The following TP53TG5 variants were observed in gnomAD, a reference collection of about 807,000 sequenced individuals.
The protein encoded by TP53TG5 is TP53 target 5, also known as TP53-target gene 5 protein.
TP53TG5 carries 17 observed loss-of-function variants against 30.0 expected under a neutral mutation model. That is an observed-to-expected ratio of 0.57 (90% confidence interval 0.39 to 0.85). The LOEUF is 0.85. Among genes scored for constraint, TP53TG5 ranks in the 40% least tolerant of loss-of-function variants. TP53TG5 has a pLI of 0.00. For synonymous variants in TP53TG5, 137 were observed against 139.2 expected, an observed-to-expected ratio of 0.98 and a Z score of 0.11; for missense variants, 338 against 367.9, an observed-to-expected ratio of 0.92 and a Z score of 0.67.
intron 4 of TP53TG5, 91 bp downstream of exon 4, chr20:45,374,948 C>T: frequency 3.3e-6 from 5 of 1,523,274 alleles, no homozygotes; most frequent in Non-Finnish European, 4.4e-6. Flanking sequence ...CTCAAGACTC[C>T]AGATCCTGAA....
chr20:45,374,045 A>T (rs374803497), intron 4 of TP53TG5, 34 bp from the exon 5 acceptor site: 7 of 1,606,664 alleles, frequency 4.4e-6, no homozygotes, highest in Non-Finnish European at 6.0e-6. Context: ...AGGCGCTAAG[A>T]CTGTCCCCAG....
Position 45,378,210 on chromosome 20 carries a change from G to T in TP53TG5, c.27C>A (p.Pro9=), listed in dbSNP as rs1027001634. 5 of 1,614,002 alleles carry T rather than the reference G, an allele frequency of 3.1e-6. No homozygotes were observed. Among genetic ancestry groups the T allele is most frequent in the Non-Finnish European group, 3.4e-6 (4 of 1,179,994 alleles). Residue 9 remains proline (P), a synonymous_variant, in exon 1 of 5, where the codon CCC becomes CCA. Coordinates refer to ENST00000372726, the MANE Select transcript of TP53TG5 (RefSeq NM_014477.3). MSPSAKKR[P]KNSRVSKMQD... is the part of the protein sequence containing the mutation. Reference sequence around the variant, plus strand: ...TGACCTTGGAAACCCTGCTGTTCTTGGGCCTCTTCTTTGCTGATGGACTCA... The same window carrying T: ...TGACCTTGGAAACCCTGCTGTTCTTTGGCCTCTTCTTTGCTGATGGACTCA...
Position 45,375,136 on chromosome 20 carries a change from C to G in TP53TG5, c.671G>C (p.Arg224Thr), listed in dbSNP as rs763292687. 1.2e-6 allele frequency: 2 copies of G among 1,614,192 alleles called. No individual in the cohort carries two copies. Among genetic ancestry groups the G allele is most frequent in the Non-Finnish European group, 1.7e-6 (2 of 1,180,044 alleles). ...LPTRIHLPAP[R>T]VMCRSSTLRW... Reference sequence around the variant, plus strand: ...CAGGGTGGAGGATCTGCACATCACCCTGGGCGCCGGGAGGTGGATTCGTGT... The same window carrying G: ...CAGGGTGGAGGATCTGCACATCACCGTGGGCGCCGGGAGGTGGATTCGTGT... Residue 224 changes from arginine (R) to threonine (T), a missense_variant, in exon 4 of 5, where the codon AGG (arginine) becomes ACG (threonine). By Grantham distance (71) the Arg-to-Thr change is moderately conservative (BLOSUM62 -1). Coordinates refer to ENST00000372726, the MANE Select transcript of TP53TG5 (RefSeq NM_014477.3).
chr20:45,375,449 C>A lies in TP53TG5; in HGVS notation c.358G>T (p.Asp120Tyr). The A allele has an allele frequency of 1.9e-6, 3 of 1,614,062 alleles. No homozygotes were observed. The highest frequency in any genetic ancestry group is 2.5e-6 in the Non-Finnish European group (3 of 1,180,014). ...LKSKKLESTG[D>Y]PKKKEYKEWK... The stretch of plus-strand genomic sequence containing the variant: ...TCCTTGTACTCTTTTTTCTTAGGGT[C>A]CCCTGTGGACTCTAATTTCTTGGAC... The change falls in exon 4 of 5, where the codon GAC becomes TAC. Residue 120 changes from aspartate (D) to tyrosine (Y), a missense_variant. Asp to Tyr is a radical substitution (Grantham distance 160). Coordinates refer to ENST00000372726, the MANE Select transcript of TP53TG5 (RefSeq NM_014477.3).
At chr20:45,375,596 C>T (rs1381933636) in intron 3 of TP53TG5, 44 bp from the exon 4 acceptor site, 10 of 1,560,064 alleles carry the variant, frequency 6.4e-6, no homozygotes, top group Non-Finnish European at 8.6e-6. Flanking sequence ...GGACCGAGGC[C>T]CTGGTTCCCG....
In TP53TG5 at chr20:45,375,137, T is replaced by G. The variant is rs751597554; in HGVS notation, c.670A>C (p.Arg224=). The G allele has an allele frequency of 1.9e-6, 3 of 1,614,030 alleles. No homozygotes were observed. In the African/African-American group the frequency reaches 4.0e-5, roughly 22 times the overall value. The change falls in exon 4 of 5, where the codon AGG becomes CGG. Residue 224 remains arginine (R), a synonymous_variant. Transcript: ENST00000372726. The part of the protein sequence containing the change: ...LPTRIHLPAP[R]VMCRSSTLRW... ...AGGGTGGAGGATCTGCACATCACCC[T>G]GGGCGCCGGGAGGTGGATTCGTGTG... is the stretch of plus-strand genomic sequence containing the variant.
intron 4 of TP53TG5, 82 bp from the exon 5 acceptor site, chr20:45,374,093 G>A: frequency 1.5e-6 from 2 of 1,316,834 alleles, no homozygotes; most frequent in Non-Finnish European, 2.2e-6. Context: ...GCAGGGACAA[G>A]GGTGCTGTGG....
intron 3 of TP53TG5, 25 bp from the exon 4 acceptor site, chr20:45,375,577 A>C: frequency 1.3e-6 from 2 of 1,590,318 alleles, no homozygotes; most frequent in South Asian, 1.1e-5. Flanking sequence ...AAAGGCAGTC[A>C]GCACAGCAGG....
intron 1 of TP53TG5, 114 bp from the exon 2 acceptor site, chr20:45,377,727 C>G (rs1988776890): frequency 1.0e-6 from 1 of 959,500 alleles, no homozygotes; most frequent in South Asian, 1.4e-5. Context: ...CATTTGAGGT[C>G]AGGAGTTTGA....
Position 45,375,451 on chromosome 20 carries a change from C to T in TP53TG5, c.356G>A (p.Gly119Glu), listed in dbSNP as rs1386372001. Residue 119 changes from glycine to glutamate, a missense_variant, in exon 4 of 5, where the codon GGG becomes GAG. Coordinates refer to ENST00000372726, the MANE Select transcript of TP53TG5 (RefSeq NM_014477.3). Reference protein sequence around the residue: ...ELKSKKLESTGDPKKKEYKEW... With the variant: ...ELKSKKLESTEDPKKKEYKEW... Reference sequence around the variant, plus strand: ...CTTGTACTCTTTTTTCTTAGGGTCCCCTGTGGACTCTAATTTCTTGGACTT... The same window carrying T: ...CTTGTACTCTTTTTTCTTAGGGTCCTCTGTGGACTCTAATTTCTTGGACTT... The T allele has an allele frequency of 3.7e-6, 6 of 1,613,960 alleles. No homozygotes were observed. Among genetic ancestry groups the T allele is most frequent in the African/African-American group, 1.3e-5 (1 of 74,906 alleles).
At position 45,377,561 on chromosome 20, in the gene TP53TG5, A is replaced by G. The variant is rs1047289054; in HGVS notation, c.101T>C (p.Ile34Thr). ...CACCGTTCTCAGACGGTTCCGCTCAATTACTTTGCTCACAGGCTGCTCTGT... is the reference window on the plus strand; with the variant it reads ...CACCGTTCTCAGACGGTTCCGCTCAGTTACTTTGCTCACAGGCTGCTCTGT... ...DETEQPVSKV[I>T]ERNRLRTVLK... The change falls in exon 2 of 5, where the codon ATT becomes ACT. Residue 34 changes from isoleucine (I) to threonine (T), a missense_variant. Transcript: ENST00000372726. 1.2e-6 allele frequency: 2 copies of G among 1,614,110 alleles called. No homozygotes were observed. The highest frequency in any genetic ancestry group is 2.2e-5 in the East Asian group (1 of 44,880).
At chr20:45,377,190 T>C (rs767833115) in intron 3 of TP53TG5, 22 bp downstream of exon 3, 2 of 1,612,490 alleles carry the variant, frequency 1.2e-6, no homozygotes, top group Non-Finnish European at 1.7e-6. Context: ...GGGTCCATTA[T>C]GGGGGCCAGG....
chr20:45,374,871 T>C, intron 4 of TP53TG5, 168 bp downstream of exon 4: 3 of 852,094 alleles, frequency 3.5e-6, no homozygotes, highest in Non-Finnish European at 5.4e-6. Context: ...CTGTATGATG[T>C]TGGTCTAAGG....
rs1988685831 is a variant in TP53TG5 at position 45,375,126 on chromosome 20, G to A, written c.681C>T (p.Cys227=). The A allele has an allele frequency of 6.2e-7, 1 of 1,613,940 alleles. No homozygotes were observed. Among genetic ancestry groups the A allele is most frequent in the African/African-American group, 1.3e-5 (1 of 74,916 alleles). The change falls in exon 4 of 5, where the codon TGC becomes TGT. Residue 227 remains cysteine, a synonymous_variant. Transcript: ENST00000372726. ...RIHLPAPRVM[C]RSSTLRWVKR... is the part of the protein sequence containing the mutation. ...TGACCCAACGCAGGGTGGAGGATCT[G>A]CACATCACCCTGGGCGCCGGGAGGT...
chr20:45,375,450 C>T lies in TP53TG5; in HGVS notation c.357G>A (p.Gly119=), dbSNP rs1195329154. 6.2e-7 allele frequency: 1 copy of T among 1,614,086 alleles called. No individual in the cohort carries two copies. Among genetic ancestry groups the T allele is most frequent in the South Asian group, 1.1e-5 (1 of 91,084 alleles). ...CCTTGTACTCTTTTTTCTTAGGGTCCCCTGTGGACTCTAATTTCTTGGACT... is the reference window on the plus strand; with the variant it reads ...CCTTGTACTCTTTTTTCTTAGGGTCTCCTGTGGACTCTAATTTCTTGGACT... ...ELKSKKLEST[G]DPKKKEYKEW... Residue 119 remains glycine, a synonymous_variant, in exon 4 of 5, where the codon GGG becomes GGA. Transcript: ENST00000372726.
In TP53TG5 at chr20:45,377,342, C is replaced by A; in HGVS notation, c.124G>T (p.Val42Leu). The change falls in exon 3 of 5, where the codon GTG becomes TTG. Residue 42 changes from valine (V) to leucine (L), a missense_variant and splice_region_variant. By Grantham distance (32) the Val-to-Leu change is conservative (BLOSUM62 1). Coordinates refer to ENST00000372726, the MANE Select transcript of TP53TG5 (RefSeq NM_014477.3). ...KVIERNRLRTVLKNLSLLKLL... is the reference protein window; with the variant it reads ...KVIERNRLRTLLKNLSLLKLL... ...TTCAAGAGCGACAAGTTTTTTAACA[C>A]CTGCCAGGGTCAAGAAACCAGGTAA... is the stretch of plus-strand genomic sequence containing the variant. 4 of 1,614,078 alleles carry A rather than the reference C, an allele frequency of 2.5e-6. No homozygotes were observed. The highest frequency in any genetic ancestry group is 3.4e-6 in the Non-Finnish European group (4 of 1,180,032).
rs890501969 is a variant in TP53TG5 at position 45,375,429 on chromosome 20, G to A, written c.378C>T (p.Tyr126=). The A allele has an allele frequency of 1.2e-6, 2 of 1,613,894 alleles. No individual in the cohort carries two copies. The highest frequency in any genetic ancestry group is 1.7e-6 in the Non-Finnish European group (2 of 1,180,022). ...ACTGCACCTGGGACTTCCACTCCTT[G>A]TACTCTTTTTTCTTAGGGTCCCCTG... The part of the protein sequence containing the change: ...ESTGDPKKKE[Y]KEWKSQVQSG... Residue 126 remains tyrosine (Y), a synonymous_variant, in exon 4 of 5, where the codon TAC becomes TAT. Coordinates refer to ENST00000372726, the MANE Select transcript of TP53TG5 (RefSeq NM_014477.3).
chr20:45,375,439 T>C lies in TP53TG5; in HGVS notation c.368A>G (p.Lys123Arg), dbSNP rs1332402092. 4.3e-6 allele frequency: 7 copies of C among 1,614,160 alleles called. No individual in the cohort carries two copies. Among genetic ancestry groups the C allele is most frequent in the Non-Finnish European group, 5.1e-6 (6 of 1,180,032 alleles). Residue 123 changes from lysine to arginine, a missense_variant, in exon 4 of 5, where the codon AAA becomes AGA. By Grantham distance (26) the Lys-to-Arg change is conservative. Coordinates refer to ENST00000372726, the MANE Select transcript of TP53TG5 (RefSeq NM_014477.3). ...GGACTTCCACTCCTTGTACTCTTTT[T>C]TCTTAGGGTCCCCTGTGGACTCTAA... ...KKLESTGDPK[K>R]KEYKEWKSQV...
At position 45,378,103 on chromosome 20, in the gene TP53TG5, T is replaced by G. The variant is rs1052358921; in HGVS notation, c.48+86A>C. 8 of 1,580,506 alleles carry G rather than the reference T, an allele frequency of 5.1e-6. No individual in the cohort carries two copies. In the Admixed American group the frequency reaches 1.4e-4, roughly 27 times the overall value. On this transcript the variant is annotated intron_variant, in intron 1 of 4. Coordinates refer to ENST00000372726, the MANE Select transcript of TP53TG5 (RefSeq NM_014477.3). ...TTCACCTTTTCCTTTTCTCCCATGC[T>G]GGAAAGCCCCTTTCCTTGGCATGGT...
Sources: allele counts gnomAD v4.1 joint callset, GRCh38; gene constraint gnomAD v4.1.1; transcripts MANE v1.5; gene names NCBI Gene and HGNC (gene_info 2026-07-23, HGNC 2026-07-21).